The following AIG1 variants were observed in gnomAD, a reference collection of about 807,000 sequenced individuals.
AIG1 encodes the protein androgen induced 1.
AIG1 carries 23 observed loss-of-function variants against 31.4 expected under a neutral mutation model. That is an observed-to-expected ratio of 0.73 (90% CI 0.53 to 1.04). The LOEUF (loss-of-function observed/expected upper bound fraction) is 1.04, where lower values mean the gene tolerates loss of function less well. Among genes scored for constraint, AIG1 ranks in the 50% least tolerant of loss-of-function variants. The pLI is 0.00. For missense variants in AIG1, 274 were observed against 295.0 expected, an observed-to-expected ratio of 0.93 and a Z score of 0.52; for synonymous variants, 100 against 110.5, an observed-to-expected ratio of 0.90 and a Z score of 0.60.
chr6:143,278,402 T>C (rs1247738160), intron 3 of AIG1, among the ~76,000 whole-genome samples: 1 of 152,160 alleles, frequency 6.6e-6, no homozygotes, highest in Non-Finnish European at 1.5e-5. Context: ...GAATTATCTT[T>C]CAGTCCTTCT....
At chr6:143,223,431 GA>G (rs1444601399) in intron 3 of AIG1, among the ~76,000 whole-genome samples, 1 of 151,868 alleles carries the variant, frequency 6.6e-6, no homozygotes, top group Non-Finnish European at 1.5e-5. Flanking sequence ...TTGGAAGTTT[GA>G]AAAAAGGACA....
At chr6:143,264,618 T>C (rs1458847608) in intron 3 of AIG1, among the ~76,000 whole-genome samples, 2 of 152,188 alleles carry the variant, frequency 1.3e-5, no homozygotes, top group East Asian at 1.9e-4. Flanking sequence ...AGATTCAGGA[T>C]CATTTCCTTG....
At chr6:143,321,381 T>C (rs889600197) in intron 4 of AIG1, among the ~76,000 whole-genome samples, 21 of 151,708 alleles carry the variant, frequency 1.4e-4, no homozygotes, top group African/African-American at 4.8e-4. Flanking sequence ...GGGTGATCAC[T>C]TGAGGCCAGG....
upstream of AIG1, among the ~76,000 whole-genome samples, chr6:143,059,402 A>G (rs936151832): frequency 8.5e-5 from 13 of 152,152 alleles, no homozygotes; most frequent in African/African-American, 3.1e-4. Context: ...TTCCAGACAC[A>G]TTATTAAGGT....
chr6:143,233,663 G>A lies in AIG1; in HGVS notation c.400-50447G>A, dbSNP rs79904738. The stretch of plus-strand genomic sequence containing the variant: ...GTGAGGTATAGAAATAGCCAGATTG[G>A]TTACACTTTAGCATTCATCTTATTT... On this transcript the variant is annotated intron_variant, in intron 3 of 5. Transcript: ENST00000357847. Among the ~76,000 whole-genome samples the A allele has an allele frequency of 1.1e-3, 164 of 152,140 alleles. 2 individuals are homozygous for A. In the East Asian group the frequency reaches 0.024, roughly 23 times the overall value.
At chr6:143,274,063 G>C (rs1337012584) in intron 3 of AIG1, among the ~76,000 whole-genome samples, 2 of 152,096 alleles carry the variant, frequency 1.3e-5, no homozygotes, top group African/African-American at 4.8e-5. Flanking sequence ...TCTGACATGG[G>C]CATAAAGACT....
At chr6:143,260,995 G>T (rs1003077843) in intron 3 of AIG1, among the ~76,000 whole-genome samples, 6 of 152,166 alleles carry the variant, frequency 3.9e-5, no homozygotes, top group African/African-American at 1.2e-4. Flanking sequence ...GGTGGGAAGA[G>T]GAGGAGAAAT....
In AIG1 at chr6:143,297,081, C is replaced by T. The variant is rs1213935360; in HGVS notation, c.515+12856C>T. On this transcript the variant is annotated intron_variant, in intron 4 of 5. Transcript: ENST00000357847. This position sits in a 1 kb window ranked among gnomAD's most constrained non-coding sequence, Gnocchi z 5.1. ...AAAGCAATAGTCATCCAGTTGATAACTGCTATTTGCAAGAGGAAAATAGAG... is the reference window on the plus strand; with the variant it reads ...AAAGCAATAGTCATCCAGTTGATAATTGCTATTTGCAAGAGGAAAATAGAG... Among the ~76,000 whole-genome samples the T allele has an allele frequency of 6.8e-6, 1 of 147,578 alleles. No individual in the cohort carries two copies. The highest frequency in any genetic ancestry group is 2.6e-5 in the African/African-American group (1 of 39,028).
chr6:143,109,835 C>T (rs1781118451), intron 1 of AIG1, among the ~76,000 whole-genome samples: 1 of 152,026 alleles, frequency 6.6e-6, no homozygotes, highest in South Asian at 2.1e-4. Flanking sequence ...GCTTATCTTC[C>T]CTCTTTATGA....
chr6:143,296,523 CT>C (rs1798437583), intron 4 of AIG1, among the ~76,000 whole-genome samples: 2 of 152,140 alleles, frequency 1.3e-5, no homozygotes, highest in African/African-American at 4.8e-5. Flanking sequence ...CCAGTCCCAC[CT>C]TTAGCAGATG....
intron 2 of AIG1, among the ~76,000 whole-genome samples, chr6:143,142,474 A>T (rs1583306376): frequency 6.6e-6 from 1 of 152,110 alleles, no homozygotes; most frequent in African/African-American, 2.4e-5. Context: ...TCACCAGTAC[A>T]CTTTTGCCCT....
intron 2 of AIG1, among the ~76,000 whole-genome samples, chr6:143,140,232 A>G (rs1044440021): frequency 6.6e-6 from 1 of 152,200 alleles, no homozygotes; most frequent in Admixed American, 6.5e-5. Context: ...ATTACCTCCC[A>G]CTGGGTCCCT....
intron 3 of AIG1, among the ~76,000 whole-genome samples, chr6:143,219,251 T>C (rs1562499833): frequency 6.6e-6 from 1 of 152,144 alleles, no homozygotes; most frequent in African/African-American, 2.4e-5. Flanking sequence ...TAGCCCCAGG[T>C]TGCTGCTAAT....
intron 3 of AIG1, among the ~76,000 whole-genome samples, chr6:143,219,807 A>T (rs1464355149): frequency 6.6e-6 from 1 of 152,198 alleles, no homozygotes; most frequent in African/African-American, 2.4e-5. Context: ...AGGTTAGATT[A>T]GCAGAGTAGC....
At chr6:143,176,875 G>A (rs1228865427) in intron 3 of AIG1, among the ~76,000 whole-genome samples, 1 of 152,248 alleles carries the variant, frequency 6.6e-6, no homozygotes, top group African/African-American at 2.4e-5. Flanking sequence ...AGGGTCTGTG[G>A]TTTCTCTTGG....
intron 3 of AIG1, among the ~76,000 whole-genome samples, chr6:143,252,979 G>C (rs564922901): frequency 6.6e-6 from 1 of 152,296 alleles, no homozygotes; most frequent in African/African-American, 2.4e-5. Flanking sequence ...TTCAGTTCTT[G>C]CTATGTCGGC....
chr6:143,182,181 A>G lies in AIG1; in HGVS notation c.399+16998A>G, dbSNP rs567685774. On this transcript the variant is annotated intron_variant, in intron 3 of 5. Transcript: ENST00000357847. Reference sequence around the variant, plus strand: ...GCTCAAACTACAGGCACACCCCACCATGCATGGCTAATTTTTAATGTTTAA... The same window carrying G: ...GCTCAAACTACAGGCACACCCCACCGTGCATGGCTAATTTTTAATGTTTAA... Among the ~76,000 whole-genome samples, 87 of 152,164 alleles carry G rather than the reference A, an allele frequency of 5.7e-4. 2 individuals carry two copies. In the Middle Eastern group the frequency reaches 0.02, roughly 36 times the overall value.
chr6:143,316,685 G>C (rs1207424284), intron 4 of AIG1, among the ~76,000 whole-genome samples: 1 of 150,668 alleles, frequency 6.6e-6, no homozygotes, highest in African/African-American at 2.4e-5. Context: ...AACAAACAAA[G>C]AAAAAAAATA....
intron 3 of AIG1, among the ~76,000 whole-genome samples, chr6:143,169,800 A>G (rs1583400296): frequency 6.6e-6 from 1 of 152,006 alleles, no homozygotes; most frequent in East Asian, 1.9e-4. Flanking sequence ...ATTTGTTGAG[A>G]GTTGTTATTG....
Sources: gnomAD v4.1 joint callset for allele counts (sites outside exome capture counted in the v4.1 genomes callset) on GRCh38, gnomAD v4.1.1 for gene constraint, Gnocchi (gnomAD v3.1) non-coding constraint, MANE v1.5 for transcripts, NCBI Gene and HGNC (gene_info 2026-07-23, HGNC 2026-07-21) for gene names.